Variants in TRAF6 observed in about 807,000 individuals in gnomAD.
TRAF6 encodes TNF receptor-associated factor 6.
In TRAF6, 10 loss-of-function variants were observed where a neutral mutation model predicts 48.4. That is an observed-to-expected ratio of 0.21 (90% CI 0.13 to 0.35). The LOEUF is 0.35. TRAF6 is among the 10% of genes least tolerant of loss of function. The pLI is 1.00. For missense variants in TRAF6, 397 were observed against 661.0 expected (o/e 0.60, Z 4.38); for synonymous variants, 186 against 219.6 (o/e 0.85, Z 1.35).
Position 36,489,923 on chromosome 11 carries a change from A to G in TRAF6, c.1484T>C (p.Val495Ala). The G allele has an allele frequency of 6.2e-7, 1 of 1,614,164 alleles. No homozygotes were observed. The highest frequency in any genetic ancestry group is 8.5e-7 in the Non-Finnish European group (1 of 1,180,022). The change falls in exon 7 of 7, where the codon GTG (valine) becomes GCG (alanine). Residue 495 changes from valine (V) to alanine (A), a missense_variant. Val to Ala is a moderately conservative substitution (Grantham distance 64, BLOSUM62 0). Coordinates refer to ENST00000526995, the MANE Select transcript of TRAF6 (RefSeq NM_004620.4). ...RTFIKDDTLL[V>A]RCEVSTRFDM... Reference sequence around the variant, plus strand: ...AAAGCGGGTGGAGACCTCACAGCGCACTAATAATGTGTCATCCTTAATGAA... The same window carrying G: ...AAAGCGGGTGGAGACCTCACAGCGCGCTAATAATGTGTCATCCTTAATGAA...
chr11:36,491,114 T>A (rs1012272256), intron 6 of TRAF6, among the ~76,000 whole-genome samples: 1 of 151,644 alleles, frequency 6.6e-6, no homozygotes, highest in East Asian at 1.9e-4. Context: ...CAAACCTCTC[T>A]GAAGAGCTTT....
chr11:36,507,150 A>G (rs549260998), intron 1 of TRAF6, among the ~76,000 whole-genome samples: 1 of 137,260 alleles, frequency 7.3e-6, no homozygotes, highest in African/African-American at 2.7e-5. Flanking sequence ...GTATATATGT[A>G]TATATACATG....
chr11:36,503,469 G>A (rs569733122), intron 1 of TRAF6, among the ~76,000 whole-genome samples: 3 of 152,222 alleles, frequency 2.0e-5, no homozygotes, highest in Non-Finnish European at 4.4e-5. Flanking sequence ...GTTTAGTAGA[G>A]ACGGGGTTTT....
rs5030507 is a variant in TRAF6, at chr11:36,488,016, C to G, written c.*1822G>C. On this transcript the variant is annotated 3_prime_UTR_variant, in exon 7 of 7. Transcript: ENST00000526995. Reference sequence around the variant, plus strand: ...GTATATTTCCTTCAGGCTTTTTCTACGCAAATACAAAAATACTACTGTTCA... The same window carrying G: ...GTATATTTCCTTCAGGCTTTTTCTAGGCAAATACAAAAATACTACTGTTCA... 13 of 152,168 alleles carry G rather than the reference C, an allele frequency of 8.5e-5. No homozygotes were observed. In the East Asian group the frequency reaches 2.1e-3, roughly 25 times the overall value. 9.4% of individuals were successfully genotyped at this position (152,168 alleles called of 1,614,324 possible).
intron 3 of TRAF6, among the ~76,000 whole-genome samples, chr11:36,497,736 T>C (rs1299059430): frequency 6.6e-6 from 1 of 152,190 alleles, no homozygotes; most frequent in Admixed American, 6.5e-5. Context: ...TCTGAAACTA[T>C]AGGCGTATTC....
chr11:36,503,574 G>T (rs1449613516), intron 1 of TRAF6, among the ~76,000 whole-genome samples: 1 of 152,164 alleles, frequency 6.6e-6, no homozygotes, highest in Non-Finnish European at 1.5e-5. Flanking sequence ...GAACCCCCGA[G>T]CCCGGCTGTG....
intron 5 of TRAF6, among the ~76,000 whole-genome samples, chr11:36,493,556 G>C (rs1859590887): frequency 6.6e-6 from 1 of 152,214 alleles, no homozygotes; most frequent in Admixed American, 6.5e-5. Context: ...AAAACAGGTA[G>C]AGAGACAGAT....
intron 6 of TRAF6, among the ~76,000 whole-genome samples, chr11:36,491,951 C>T (rs928234788): frequency 1.3e-5 from 2 of 152,172 alleles, no homozygotes; most frequent in Non-Finnish European, 2.9e-5. Context: ...GTCAGTTCTT[C>T]CTGTGTTCAC....
At chr11:36,509,748 T>G (rs1859876558) in intron 1 of TRAF6, among the ~76,000 whole-genome samples, 1 of 147,916 alleles carries the variant, frequency 6.8e-6, no homozygotes, top group Non-Finnish European at 1.5e-5. Context: ...GTGGGAAGCG[T>G]GGGGACAGAG....
intron 1 of TRAF6, among the ~76,000 whole-genome samples, chr11:36,507,038 CACTA>C (rs992771071): frequency 6.6e-6 from 1 of 151,294 alleles, no homozygotes; most frequent in African/African-American, 2.4e-5. Context: ...CGATAACTAA[CACTA>C]AGAGAAGAAC....
At chr11:36,494,219 A>T (rs1036924422) in intron 5 of TRAF6, among the ~76,000 whole-genome samples, 1 of 152,066 alleles carries the variant, frequency 6.6e-6, no homozygotes, top group Non-Finnish European at 1.5e-5. Flanking sequence ...CTAAAAAAAT[A>T]AAAAATTAGC....
At position 36,485,798 on chromosome 11, in the gene TRAF6, A is replaced by T. The variant is rs1381081997; in HGVS notation, c.*4040T>A. 6.6e-6 allele frequency among the ~76,000 whole-genome samples: 1 copy of T among 152,110 alleles called. No individual in the cohort carries two copies. The highest frequency in any genetic ancestry group is 1.5e-5 in the Non-Finnish European group (1 of 68,032). ...TGTCACAGTCTGCCAAGATCCATCC[A>T]ATTTGATTTCATCAGATCATCTTTC... On this transcript the variant is annotated 3_prime_UTR_variant, in exon 7 of 7. Transcript: ENST00000526995.
At chr11:36,500,036 GATC>G (rs1285406129) in intron 2 of TRAF6, among the ~76,000 whole-genome samples, 1 of 152,276 alleles carries the variant, frequency 6.6e-6, no homozygotes, top group East Asian at 1.9e-4. Context: ...ATGATTTACT[GATC>G]ATCTACTATG....
chr11:36,487,224 A>C lies in TRAF6; in HGVS notation c.*2614T>G, dbSNP rs1327725072. 6.6e-6 allele frequency: 1 copy of C among 152,260 alleles called. No individual in the cohort carries two copies. Among genetic ancestry groups the C allele is most frequent in the Non-Finnish European group, 1.5e-5 (1 of 68,034 alleles). 9.4% of individuals were successfully genotyped at this position (152,260 alleles called of 1,614,324 possible). A position where few individuals can be genotyped will look rare whatever the true frequency, so the allele number is the denominator to read the frequency against. ...TGGTAAAAGGTGGTTAGTAACATAC[A>C]ACATAAAGCCCAAAGGCTTGTATAC... On this transcript the variant is annotated 3_prime_UTR_variant, in exon 7 of 7. Transcript: ENST00000526995.
intron 1 of TRAF6, among the ~76,000 whole-genome samples, chr11:36,503,996 T>C (rs536972173): frequency 1.3e-5 from 2 of 152,342 alleles, no homozygotes; most frequent in African/African-American, 4.8e-5. Flanking sequence ...AATAGCATTA[T>C]GTCTAAAAAG....
chr11:36,497,458 C>A (rs1859656035), intron 3 of TRAF6, among the ~76,000 whole-genome samples, 192 bp from the exon 4 acceptor site: 11 of 152,104 alleles, frequency 7.2e-5, no homozygotes, highest in Admixed American at 7.2e-4. Flanking sequence ...CAAATTTATA[C>A]AAAGGATGTG....
intron 3 of TRAF6, 50 bp from the exon 4 acceptor site, chr11:36,497,316 T>C (rs1314430269): frequency 6.5e-6 from 10 of 1,545,100 alleles, no homozygotes; most frequent in Non-Finnish European, 8.8e-6. Context: ...TGAAGTCTTC[T>C]ACATATAAGC....
At chr11:36,500,109 T>A (rs1168039498) in intron 2 of TRAF6, among the ~76,000 whole-genome samples, 1 of 152,340 alleles carries the variant, frequency 6.6e-6, no homozygotes, top group African/African-American at 2.4e-5. Flanking sequence ...TCTAATACTT[T>A]GCTCTCAAGG....
In TRAF6 at chr11:36,507,581, ACACGCG is replaced by A. The variant is rs1185977198; in HGVS notation, c.-23+2461_-23+2466del. 7.3e-4 allele frequency among the ~76,000 whole-genome samples: 8 copies of A among 10,930 alleles called. 3 individuals carry two copies. Among genetic ancestry groups the A allele is most frequent in the African/African-American group, 1.5e-3 (8 of 5,414 alleles). 7.2% of individuals were successfully genotyped at this position (10,930 alleles called of 152,430 possible). On this transcript the variant is annotated intron_variant, in intron 1 of 6. Transcript: ENST00000526995. Reference sequence around the variant, plus strand: ...TATATATACATGTATATGTATACATACACGCGCGTGTATATATGTATACATACACGC... The same window carrying A: ...TATATATACATGTATATGTATACATACGTGTATATATGTATACATACACGC...
Sources: allele counts gnomAD v4.1 joint callset (sites outside exome capture counted in the v4.1 genomes callset), GRCh38; gene constraint gnomAD v4.1.1; transcripts MANE v1.5; gene names NCBI Gene and HGNC (gene_info 2026-07-23, HGNC 2026-07-21).